The following NRXN1 variants were observed in gnomAD, a reference collection of about 807,000 sequenced individuals.
NRXN1 encodes the protein neurexin 1.
NRXN1 carries 39 observed loss-of-function variants against 150.9 expected under a neutral mutation model. The ratio of observed to expected loss-of-function variants is 0.26; its 90% CI spans 0.20 to 0.34. The LOEUF (loss-of-function observed/expected upper bound fraction) is 0.34. Among genes scored for constraint, NRXN1 ranks in the 10% least tolerant of loss-of-function variants. The pLI, the probability that NRXN1 is intolerant of heterozygous loss-of-function variation, is 1.00. For synonymous variants in NRXN1, 924 were observed against 757.0 expected, an observed-to-expected ratio of 1.22 and a Z score of -3.62; for missense variants, 1,815 against 1,949.9, an observed-to-expected ratio of 0.93 and a Z score of 1.30.
chr2:50,101,585 A>C (rs1700984132), intron 18 of NRXN1, among the ~76,000 whole-genome samples: 1 of 152,040 alleles, frequency 6.6e-6, no homozygotes, highest in Non-Finnish European at 1.5e-5. Context: ...GGCAAATGTA[A>C]CCTTAGTAAC....
intron 16 of NRXN1, among the ~76,000 whole-genome samples, chr2:50,468,283 G>A (rs2089119593): frequency 6.6e-6 from 1 of 151,560 alleles, no homozygotes; most frequent in Non-Finnish European, 1.5e-5. Context: ...TGCCCATATT[G>A]TAGAGCAGCA....
At chr2:49,975,392 T>G (rs992088191) in intron 21 of NRXN1, among the ~76,000 whole-genome samples, 6 of 152,084 alleles carry the variant, frequency 3.9e-5, no homozygotes, top group Non-Finnish European at 7.4e-5. Context: ...AGAAAAAAAG[T>G]GTATTGGAAT....
intron 5 of NRXN1, chr2:50,829,321 G>A (rs1671050889): frequency 6.1e-6 from 4 of 655,314 alleles, no homozygotes; most frequent in Non-Finnish European, 1.1e-5. Flanking sequence ...GTAGAGATGG[G>A]GTTTCTCCAT....
chr2:49,990,282 A>G (rs2152519464), intron 21 of NRXN1, among the ~76,000 whole-genome samples: 1 of 152,264 alleles, frequency 6.6e-6, no homozygotes, highest in Non-Finnish European at 1.5e-5. Flanking sequence ...GATAAGAAAG[A>G]GTCTGAGCAT....
chr2:50,557,271 C>T (rs1297866882), intron 8 of NRXN1, among the ~76,000 whole-genome samples: 3 of 152,114 alleles, frequency 2.0e-5, no homozygotes, highest in Non-Finnish European at 2.9e-5. Flanking sequence ...TTGGAAATTA[C>T]AATGGGGGTC....
chr2:49,986,649 T>C (rs959734403), intron 21 of NRXN1, among the ~76,000 whole-genome samples: 1 of 152,232 alleles, frequency 6.6e-6, no homozygotes, highest in African/African-American at 2.4e-5. Flanking sequence ...CAGAGTGATA[T>C]TTTGATACAT....
chr2:50,791,166 T>C (rs922782785), intron 5 of NRXN1, among the ~76,000 whole-genome samples: 2 of 150,342 alleles, frequency 1.3e-5, no homozygotes, highest in Non-Finnish European at 3.0e-5. Context: ...AAGTAACACA[T>C]GTAACTAAGA....
chr2:50,424,455 G>A (rs2104299508), intron 17 of NRXN1, among the ~76,000 whole-genome samples: 1 of 152,154 alleles, frequency 6.6e-6, no homozygotes, highest in Non-Finnish European at 1.5e-5. Context: ...AGGACTGGGA[G>A]ACACTCTGCT....
At chr2:51,023,140 G>C (rs1669890147) in intron 2 of NRXN1, among the ~76,000 whole-genome samples, 1 of 152,144 alleles carries the variant, frequency 6.6e-6, no homozygotes, top group Non-Finnish European at 1.5e-5. Flanking sequence ...CTTAACAAAT[G>C]ATGTTGACTG....
intron 17 of NRXN1, among the ~76,000 whole-genome samples, chr2:50,260,406 C>A (rs746559839): frequency 5.9e-5 from 9 of 151,766 alleles, no homozygotes; most frequent in Non-Finnish European, 1.3e-4. Context: ...CTTGCACAAA[C>A]ATCCATGGCA....
intron 21 of NRXN1, among the ~76,000 whole-genome samples, chr2:49,954,312 A>C (rs919299407): frequency 3.4e-5 from 5 of 145,726 alleles, no homozygotes; most frequent in African/African-American, 1.3e-4. Flanking sequence ...GTAACTTACA[A>C]GGTAGGTAGC....
chr2:50,616,034 T>C (rs1357869810), intron 8 of NRXN1: 3 of 152,198 alleles, frequency 2.0e-5, no homozygotes, highest in East Asian at 1.9e-4. Flanking sequence ...AAGAATTTCA[T>C]AGGTATGGGC....
At chr2:50,324,635 G>T (rs1289136467) in intron 17 of NRXN1, among the ~76,000 whole-genome samples, 1 of 152,202 alleles carries the variant, frequency 6.6e-6, no homozygotes, top group Non-Finnish European at 1.5e-5. Context: ...TCCGCCTCCC[G>T]GGTTCACGCC....
At chr2:50,651,433 T>C (rs1429664466) in intron 5 of NRXN1, among the ~76,000 whole-genome samples, 1 of 151,746 alleles carries the variant, frequency 6.6e-6, no homozygotes, top group East Asian at 2.0e-4. Flanking sequence ...GGAAATATAG[T>C]GAGACCTCAT....
At chr2:50,296,738 G>T (rs1271050370) in intron 17 of NRXN1, among the ~76,000 whole-genome samples, 1 of 151,942 alleles carries the variant, frequency 6.6e-6, no homozygotes, top group South Asian at 2.1e-4. Context: ...AAAGTGCTGG[G>T]ATTACAGGTA....
chr2:49,986,091 T>TA (rs1055938876), intron 21 of NRXN1, among the ~76,000 whole-genome samples: 3 of 152,208 alleles, frequency 2.0e-5, no homozygotes, highest in Non-Finnish European at 4.4e-5. Flanking sequence ...AATGTTAACT[T>TA]AATAATATGT....
rs191095965 is a variant in NRXN1 at position 50,637,597 on chromosome 2, C to T, written c.833-13982G>A. The T allele has an allele frequency of 1.8e-3, 277 of 152,344 alleles. 2 individuals carry two copies. Among genetic ancestry groups the T allele is most frequent in the African/African-American group, 6.6e-3 (273 of 41,588 alleles). The allele number at this position is 152,344 out of a possible 1,614,324, so 9.4% of individuals were successfully genotyped here. A position where few individuals can be genotyped will look rare whatever the true frequency, so the allele number is the denominator to read the frequency against. ...CTGGGTAAACCCAAACTCTTGAACT[C>T]ACAGTTCCTGGTCTCCTCTAGGTTT... On this transcript the variant is annotated intron_variant, in intron 5 of 22. Coordinates refer to ENST00000401669, the MANE Select transcript of NRXN1 (RefSeq NM_001330078.2).
intron 5 of NRXN1, among the ~76,000 whole-genome samples, chr2:50,642,872 C>T (rs547259440): frequency 6.6e-6 from 1 of 151,800 alleles, no homozygotes; most frequent in Admixed American, 6.6e-5. Flanking sequence ...GGAGGAAAAG[C>T]CTTCTTCTAA....
chr2:50,755,095 A>G (rs1701019084), intron 5 of NRXN1, among the ~76,000 whole-genome samples: 1 of 151,744 alleles, frequency 6.6e-6, no homozygotes, highest in Non-Finnish European at 1.5e-5. Context: ...TCATATTCTC[A>G]TTGATCTGCC....
Sources: allele counts gnomAD v4.1 joint callset (sites outside exome capture counted in the v4.1 genomes callset), GRCh38; gene constraint gnomAD v4.1.1; transcripts MANE v1.5; gene names NCBI Gene and HGNC (gene_info 2026-07-23, HGNC 2026-07-21).